The following CEP192 variants were observed in gnomAD, a reference collection of about 807,000 sequenced individuals.
The protein encoded by CEP192 is centrosomal protein of 192 kDa.
A neutral mutation model predicts 271.8 loss-of-function variants in CEP192; 151 were observed. The observed-to-expected ratio is 0.56, with a 90% CI of 0.49 to 0.64. The LOEUF (loss-of-function observed/expected upper bound fraction) is 0.64. CEP192 is among the 30% of genes least tolerant of loss of function. The pLI, the probability that CEP192 is intolerant of heterozygous loss-of-function variation, is 0.00. For synonymous variants in CEP192, 995 were observed against 1,076.5 expected (o/e 0.92, Z 1.48); for missense variants, 2,910 against 3,020.5 (o/e 0.96, Z 0.86).
In CEP192 at chr18:13,068,201, G is replaced by C; in HGVS notation, c.4722G>C (p.Val1574=). 6.2e-7 allele frequency: 1 copy of C among 1,614,200 alleles called. No homozygotes were observed. The highest frequency in any genetic ancestry group is 8.5e-7 in the Non-Finnish European group (1 of 1,180,036). The part of the protein sequence containing the change: ...DVVTRLAGPS[V]VNHMMPASYD... ...TCACTCGGCTAGCAGGCCCTTCTGT[G>C]GTCAACCACATGATGCCTGCTAGTT... The change falls in exon 23 of 45, where the codon GTG becomes GTC. Residue 1574 remains valine, a synonymous_variant. Coordinates refer to ENST00000506447, the MANE Select transcript of CEP192 (RefSeq NM_032142.4).
intron 3 of CEP192, among the ~76,000 whole-genome samples, chr18:13,002,816 G>A (rs2033736383): frequency 6.6e-6 from 1 of 152,084 alleles, no homozygotes; most frequent in African/African-American, 2.4e-5. Context: ...CGTATTTATG[G>A]GATTGAACCT....
intron 9 of CEP192, chr18:13,024,425 C>T: frequency 2.4e-6 from 1 of 418,094 alleles, no homozygotes; most frequent in South Asian, 1.7e-5. Context: ...TTTGATTCTC[C>T]TCTGAAAATC....
chr18:13,073,443 C>G (rs1196904665), intron 30 of CEP192, among the ~76,000 whole-genome samples: 1 of 152,134 alleles, frequency 6.6e-6, no homozygotes, highest in African/African-American at 2.4e-5. Flanking sequence ...TTAAAATGTA[C>G]CCAGCTTTTT....
rs371449452 is a variant in CEP192, at chr18:13,059,075, T to C, written c.4258-7T>C. ...TTAATAACGAACTTTATGGCTCTTTTTTGAAGGTGGATCTTTCAACATATC... is the reference window on the plus strand; with the variant it reads ...TTAATAACGAACTTTATGGCTCTTTCTTGAAGGTGGATCTTTCAACATATC... On this transcript the variant is annotated splice_polypyrimidine_tract_variant and splice_region_variant and intron_variant, in intron 20 of 44. Transcript: ENST00000506447. 643 of 1,598,114 alleles carry C rather than the reference T, an allele frequency of 4.0e-4. 2 individuals carry two copies. In the African/African-American group the frequency reaches 7.6e-3, roughly 19 times the overall value.
At chr18:13,002,624 C>G (rs963729987) in intron 3 of CEP192, among the ~76,000 whole-genome samples, 2 of 152,118 alleles carry the variant, frequency 1.3e-5, no homozygotes, top group African/African-American at 4.8e-5. Context: ...TGAATGCCGA[C>G]TTCTCCCAGC....
At chr18:13,093,356 C>G (rs1439816468) in intron 34 of CEP192, among the ~76,000 whole-genome samples, 2 of 152,174 alleles carry the variant, frequency 1.3e-5, no homozygotes, top group Non-Finnish European at 2.9e-5. Context: ...TTGCTGCTTC[C>G]TCTCTGGTCC....
In CEP192 at chr18:13,038,514, G is replaced by A; in HGVS notation, c.1744G>A (p.Gly582Arg). 2 of 1,551,628 alleles carry A rather than the reference G, an allele frequency of 1.3e-6. No homozygotes were observed. The highest frequency in any genetic ancestry group is 1.7e-6 in the Non-Finnish European group (2 of 1,146,978). Residue 582 changes from glycine to arginine, a missense_variant, in exon 13 of 45, where the codon GGA (glycine) becomes AGA (arginine). Coordinates refer to ENST00000506447, the MANE Select transcript of CEP192 (RefSeq NM_032142.4). ...DDASYLRLSL[G>R]EFFAQRSEAL... ...TGCCAGTTATTTACGTCTGTCTTTA[G>A]GAGAGTTCTTTGCTCAAAGATCTGA...
At chr18:13,042,779 CTT>C (rs1417434383) in intron 15 of CEP192, among the ~76,000 whole-genome samples, 1 of 152,082 alleles carries the variant, frequency 6.6e-6, no homozygotes, top group Non-Finnish European at 1.5e-5. Flanking sequence ...ATAATATAAA[CTT>C]ATTTTTATTA....
Position 13,019,091 on chromosome 18 carries a change from T to C in CEP192, c.935T>C (p.Ile312Thr). The C allele has an allele frequency of 3.9e-6, 6 of 1,530,970 alleles. No homozygotes were observed. Among genetic ancestry groups the C allele is most frequent in the Non-Finnish European group, 5.3e-6 (6 of 1,140,162 alleles). 94.8% of individuals were successfully genotyped at this position (1,530,970 alleles called of 1,614,324 possible). ...VICLPGTSNS[I>T]GTGDSRRYTD... ...TTCTTTATTTTTTCAGGTAATTCTATAGGTACTGGAGATAGTAGAAGGTAC... is the reference window on the plus strand; with the variant it reads ...TTCTTTATTTTTTCAGGTAATTCTACAGGTACTGGAGATAGTAGAAGGTAC... The change falls in exon 9 of 45, where the codon ATA becomes ACA. Residue 312 changes from isoleucine to threonine, a missense_variant. Physicochemically the swap from Ile to Thr is moderately conservative, Grantham distance 89. Transcript: ENST00000506447.
intron 3 of CEP192, among the ~76,000 whole-genome samples, chr18:13,007,155 G>C (rs768323932): frequency 2.6e-5 from 4 of 152,132 alleles, no homozygotes; most frequent in Non-Finnish European, 5.9e-5. Flanking sequence ...CACCCCATCT[G>C]CTTTTCAGAT....
At chr18:13,103,614 A>G in intron 39 of CEP192, 26 bp downstream of exon 39, 1 of 1,528,040 alleles carries the variant, frequency 6.5e-7, no homozygotes, top group Admixed American at 1.7e-5. Context: ...CTCAGATATA[A>G]TCGTTTTAAT....
chr18:13,104,931 G>A, intron 39 of CEP192, 53 bp from the exon 40 acceptor site: 1 of 1,289,098 alleles, frequency 7.8e-7, no homozygotes, highest in Non-Finnish European at 1.1e-6. Context: ...GTCTCTGTGG[G>A]ATTTATCCAT....
intron 20 of CEP192, 180 bp from the exon 21 acceptor site, chr18:13,058,902 G>A (rs892942548): frequency 2.5e-5 from 15 of 593,142 alleles, no homozygotes; most frequent in African/African-American, 2.2e-4. Context: ...AACTCAGGAA[G>A]CATTTGACTC....
chr18:13,121,377 G>T (rs2040650462), intron 44 of CEP192, among the ~76,000 whole-genome samples: 1 of 152,192 alleles, frequency 6.6e-6, no homozygotes, highest in Non-Finnish European at 1.5e-5. Flanking sequence ...GGAAGGCCTG[G>T]TGGGGCTGCT....
intron 15 of CEP192, among the ~76,000 whole-genome samples, chr18:13,046,504 G>A (rs1440909204): frequency 2.0e-5 from 3 of 151,932 alleles, no homozygotes; most frequent in South Asian, 2.1e-4. Context: ...CTTAGAGATC[G>A]TTTAAGAGTT....
At chr18:13,053,613 G>A (rs775411495) in intron 18 of CEP192, among the ~76,000 whole-genome samples, 10 of 152,156 alleles carry the variant, frequency 6.6e-5, no homozygotes, top group African/African-American at 9.7e-5. Flanking sequence ...GGACCAAACC[G>A]GGAAGGGTGC....
chr18:13,099,107 T>G (rs542678380), intron 36 of CEP192, among the ~76,000 whole-genome samples: 4 of 143,194 alleles, frequency 2.8e-5, no homozygotes, highest in African/African-American at 1.0e-4. Flanking sequence ...GCAGGGAGGT[T>G]GCAGTGAGCC....
In CEP192 at chr18:13,068,947, G is replaced by C; in HGVS notation, c.4918G>C (p.Ala1640Pro). 1 of 1,614,194 alleles carries C rather than the reference G, an allele frequency of 6.2e-7. No individual in the cohort carries two copies. The highest frequency in any genetic ancestry group is 1.6e-4 in the Middle Eastern group (1 of 6,062). The change falls in exon 25 of 45, where the codon GCA becomes CCA. Residue 1640 changes from alanine to proline, a missense_variant. Ala to Pro is a conservative substitution (Grantham distance 27). Transcript: ENST00000506447. Reference sequence around the variant, plus strand: ...CGTTCTTAGAAGTGTGAGTCTCCGAGCAAGAGCAGGAATAGCTAGGATCCA... The same window carrying C: ...CGTTCTTAGAAGTGTGAGTCTCCGACCAAGAGCAGGAATAGCTAGGATCCA... ...TPVLRSVSLR[A>P]RAGIARIHAP...
intron 33 of CEP192, 44 bp downstream of exon 33, chr18:13,089,609 A>G (rs1402681629): frequency 2.2e-6 from 2 of 922,806 alleles, no homozygotes; most frequent in Non-Finnish European, 3.5e-6. Flanking sequence ...CTTTTGGGTC[A>G]TTTATAGTAT....
Sources: allele counts gnomAD v4.1 joint callset (sites outside exome capture counted in the v4.1 genomes callset), GRCh38; gene constraint gnomAD v4.1.1; transcripts MANE v1.5; gene names NCBI Gene and HGNC (gene_info 2026-07-23, HGNC 2026-07-21).